The following BTBD9 variants were observed in gnomAD, a reference collection of about 807,000 sequenced individuals.
BTBD9 encodes the protein BTB/POZ domain-containing protein 9.
Under a neutral mutation model 64.3 loss-of-function variants are expected in BTBD9, and 49 were observed. The ratio of observed to expected loss-of-function variants is 0.76; its 90% CI spans 0.61 to 0.97. The LOEUF (loss-of-function observed/expected upper bound fraction) is 0.97, where lower values mean the gene tolerates loss of function less well. BTBD9 is among the 50% of genes least tolerant of loss of function. The pLI, the probability that BTBD9 is intolerant of heterozygous loss-of-function variation, is 0.00. For synonymous variants in BTBD9, 260 were observed against 274.7 expected (o/e 0.95, Z 0.53); for missense variants, 598 against 762.1 (o/e 0.78, Z 2.53).
At chr6:38,328,863 C>T (rs956559637) in intron 7 of BTBD9, among the ~76,000 whole-genome samples, 3 of 151,194 alleles carry the variant, frequency 2.0e-5, no homozygotes, top group Admixed American at 6.6e-5. Context: ...AGGCGAATGG[C>T]GTGAACCCGG....
At chr6:38,412,264 T>C (rs1413214990) in intron 6 of BTBD9, among the ~76,000 whole-genome samples, 1 of 152,026 alleles carries the variant, frequency 6.6e-6, no homozygotes, top group African/African-American at 2.4e-5. Flanking sequence ...AATAAAGAAC[T>C]GAAGCCTGTG....
intron 6 of BTBD9, among the ~76,000 whole-genome samples, chr6:38,532,920 T>C (rs1291866446): frequency 6.6e-6 from 1 of 151,554 alleles, no homozygotes; most frequent in East Asian, 2.0e-4. Flanking sequence ...AAGTACCACC[T>C]TGGCCACAGG....
intron 6 of BTBD9, among the ~76,000 whole-genome samples, chr6:38,529,493 C>A (rs150488768): frequency 2.0e-5 from 3 of 152,184 alleles, no homozygotes; most frequent in Non-Finnish European, 2.9e-5. Flanking sequence ...GCCCAGACTG[C>A]AAAGACTACA....
At chr6:38,459,030 T>C (rs796144609) in intron 6 of BTBD9, among the ~76,000 whole-genome samples, 20 of 152,190 alleles carry the variant, frequency 1.3e-4, no homozygotes, top group African/African-American at 4.8e-4. Flanking sequence ...TTTATTTTTA[T>C]TTTTTGGAGA....
chr6:38,296,060 A>G (rs1647734716), intron 7 of BTBD9, among the ~76,000 whole-genome samples: 1 of 152,176 alleles, frequency 6.6e-6, no homozygotes, highest in South Asian at 2.1e-4. Flanking sequence ...AAAAACAGAA[A>G]CAAAAACAAA....
At chr6:38,404,428 C>T (rs909384958) in intron 6 of BTBD9, among the ~76,000 whole-genome samples, 3 of 152,048 alleles carry the variant, frequency 2.0e-5, no homozygotes, top group African/African-American at 7.2e-5. Context: ...GTAGAATAGA[C>T]AAATTTGCAT....
intron 1 of BTBD9, among the ~76,000 whole-genome samples, chr6:38,603,726 C>T (rs1777334287): frequency 6.6e-6 from 1 of 152,232 alleles, no homozygotes; most frequent in African/African-American, 2.4e-5. Context: ...GAAGCCCTCT[C>T]TGCCAGGTGT....
chr6:38,515,372 A>C (rs1468387473), intron 6 of BTBD9, among the ~76,000 whole-genome samples: 1 of 152,214 alleles, frequency 6.6e-6, no homozygotes, highest in Non-Finnish European at 1.5e-5. Context: ...CAGGGCAATG[A>C]GGCAAAATGC....
chr6:38,264,007 G>A (rs1582133007), intron 8 of BTBD9, among the ~76,000 whole-genome samples: 2 of 152,270 alleles, frequency 1.3e-5, no homozygotes, highest in African/African-American at 2.4e-5. Flanking sequence ...GAGCAGGGGT[G>A]GTGGGAAACC....
chr6:38,214,679 A>G (rs1762954278), intron 9 of BTBD9, among the ~76,000 whole-genome samples: 1 of 152,118 alleles, frequency 6.6e-6, no homozygotes, highest in Non-Finnish European at 1.5e-5. Context: ...TTCCCAACCC[A>G]TATTTTGCCA....
chr6:38,276,053 T>G (rs1761226824), intron 8 of BTBD9, among the ~76,000 whole-genome samples: 1 of 152,150 alleles, frequency 6.6e-6, no homozygotes, highest in Admixed American at 6.5e-5. Context: ...TGCACACATA[T>G]GTTTATTGCG....
intron 2 of BTBD9, 108 bp from the exon 3 acceptor site, chr6:38,594,435 C>A: frequency 7.6e-7 from 1 of 1,317,570 alleles, no homozygotes; most frequent in Non-Finnish European, 1.0e-6. Context: ...TTTTTAATGA[C>A]ACAAAGATCC....
intron 6 of BTBD9, among the ~76,000 whole-genome samples, chr6:38,413,276 G>C (rs1767518977): frequency 6.6e-6 from 1 of 152,230 alleles, no homozygotes; most frequent in Non-Finnish European, 1.5e-5. Context: ...ATGCGAGCTG[G>C]ATGAGGACAG....
At chr6:38,272,431 C>A (rs909902845) in intron 8 of BTBD9, among the ~76,000 whole-genome samples, 1 of 152,074 alleles carries the variant, frequency 6.6e-6, no homozygotes, top group African/African-American at 2.4e-5. Flanking sequence ...GATAGCTGGC[C>A]AGGGCAGTCT....
At chr6:38,464,590 G>T (rs1770258359) in intron 6 of BTBD9, among the ~76,000 whole-genome samples, 1 of 151,996 alleles carries the variant, frequency 6.6e-6, no homozygotes, top group East Asian at 1.9e-4. Flanking sequence ...CCACTTCCTG[G>T]GCTCAAGCGA....
intron 7 of BTBD9, among the ~76,000 whole-genome samples, chr6:38,323,904 C>A (rs1412538389): frequency 6.6e-6 from 1 of 152,000 alleles, no homozygotes; most frequent in African/African-American, 2.4e-5. Context: ...TCAAGACCAG[C>A]CTGAGCAACA....
intron 9 of BTBD9, among the ~76,000 whole-genome samples, chr6:38,236,273 C>G (rs570660438): frequency 3.2e-4 from 49 of 152,306 alleles, no homozygotes; most frequent in African/African-American, 1.2e-3. Context: ...CTCTCTGAAA[C>G]CACAATTCTC....
chr6:38,381,533 T>A (rs962214618), intron 6 of BTBD9, among the ~76,000 whole-genome samples: 5 of 152,178 alleles, frequency 3.3e-5, no homozygotes, highest in Non-Finnish European at 7.4e-5. Context: ...TCTCAGCAAC[T>A]GATAGATCAA....
intron 1 of BTBD9, among the ~76,000 whole-genome samples, chr6:38,635,533 A>G (rs1778499709): frequency 6.6e-6 from 1 of 152,222 alleles, no homozygotes; most frequent in Non-Finnish European, 1.5e-5. Context: ...CCAATGCAAC[A>G]GCAGTGAGTG....
Sources: gnomAD v4.1 joint callset for allele counts (sites outside exome capture counted in the v4.1 genomes callset) on GRCh38, gnomAD v4.1.1 for gene constraint, MANE v1.5 for transcripts, NCBI Gene and HGNC (gene_info 2026-07-23, HGNC 2026-07-21) for gene names.